The following RBFOX1 variants were observed in gnomAD, a reference collection of about 807,000 sequenced individuals.
RBFOX1 encodes RNA binding fox-1 homolog 1, also known as RNA binding protein fox-1 homolog 1.
Under a neutral mutation model 57.7 loss-of-function variants are expected in RBFOX1, and 8 were observed. The observed-to-expected ratio is 0.14, with a 90% CI of 0.08 to 0.25. The LOEUF is 0.25. Ranked by LOEUF, RBFOX1 falls within the 10% of genes least tolerant of loss-of-function variation. The pLI, the probability that RBFOX1 is intolerant of heterozygous loss-of-function variation, is 1.00. For missense variants in RBFOX1, 611 were observed against 548.5 expected (o/e 1.11, Z -1.14); for synonymous variants, 326 against 222.4 (o/e 1.47, Z -4.15).
At chr16:6,877,907 T>C (rs13339645) in intron 3 of RBFOX1, among the ~76,000 whole-genome samples, 6 of 152,172 alleles carry the variant, frequency 3.9e-5, no homozygotes, top group African/African-American at 1.2e-4. Flanking sequence ...ACTTAGGATC[T>C]TGCGAATGGT....
At position 6,343,460 on chromosome 16, in the gene RBFOX1, A is replaced by G. The variant is rs185730999; in HGVS notation, c.-64+26403A>G. Among the ~76,000 whole-genome samples the G allele has an allele frequency of 7.9e-5, 12 of 152,268 alleles. No homozygotes were observed. The East Asian group carries it at 2.3e-3, about 29-fold the overall frequency. On this transcript the variant is annotated intron_variant, in intron 2 of 15. Coordinates refer to ENST00000550418, the MANE Select transcript of RBFOX1 (RefSeq NM_018723.4). Reference sequence around the variant, plus strand: ...TCTACATTGAAGAACTGAAGTGAGGATTTGCGATAATTATCTGGATAACTC... The same window carrying G: ...TCTACATTGAAGAACTGAAGTGAGGGTTTGCGATAATTATCTGGATAACTC...
At chr16:6,104,109 C>T (rs1389896465) in intron 1 of RBFOX1, among the ~76,000 whole-genome samples, 1 of 151,310 alleles carries the variant, frequency 6.6e-6, no homozygotes, top group East Asian at 1.9e-4. Flanking sequence ...TAATTAGGGA[C>T]ATCATAGGTT....
At chr16:6,635,073 T>G (rs2098420903) in intron 2 of RBFOX1, among the ~76,000 whole-genome samples, 1 of 97,116 alleles carries the variant, frequency 1.0e-5, no homozygotes. Context: ...TGTTATATAT[T>G]TTAATTTATA....
chr16:7,354,223 G>A (rs953322152), intron 4 of RBFOX1, among the ~76,000 whole-genome samples: 17 of 152,146 alleles, frequency 1.1e-4, no homozygotes, highest in East Asian at 5.8e-4. Flanking sequence ...TGCCCACCTC[G>A]GCCTCCCACA....
intron 1 of RBFOX1, among the ~76,000 whole-genome samples, chr16:5,335,541 C>G (rs1276287145): frequency 6.6e-6 from 1 of 152,134 alleles, no homozygotes; most frequent in Non-Finnish European, 1.5e-5. Context: ...CAGAGTTTTT[C>G]CCGTCACTGG....
intron 3 of RBFOX1, among the ~76,000 whole-genome samples, chr16:5,670,998 C>T (rs568203687): frequency 1.3e-5 from 2 of 152,310 alleles, no homozygotes; most frequent in Non-Finnish European, 2.9e-5. Flanking sequence ...GACTCAGAGC[C>T]CCCCTCACTG....
chr16:7,421,686 G>C (rs923498958), intron 4 of RBFOX1, among the ~76,000 whole-genome samples: 6 of 152,236 alleles, frequency 3.9e-5, no homozygotes, highest in African/African-American at 4.8e-5. Flanking sequence ...CACTGGCCTG[G>C]AGATGGCCTT....
At chr16:6,578,598 C>CATGTGTGTGTGTGTGTGT (rs368816590) in intron 2 of RBFOX1, among the ~76,000 whole-genome samples, 1 of 110,666 alleles carries the variant, frequency 9.0e-6, no homozygotes, top group African/African-American at 2.9e-5. Context: ...GGTGTGTGTG[C>CATGTGTGTGTGTGTGTGT]GTGTGTGTGT....
chr16:6,386,410 G>C (rs1352693730), intron 2 of RBFOX1, among the ~76,000 whole-genome samples: 1 of 152,184 alleles, frequency 6.6e-6, no homozygotes, highest in Non-Finnish European at 1.5e-5. Flanking sequence ...ACTTCTTGCT[G>C]TGTATTGGCA....
intron 3 of RBFOX1, among the ~76,000 whole-genome samples, chr16:5,858,245 C>A (rs1288824637): frequency 2.0e-5 from 3 of 152,102 alleles, no homozygotes; most frequent in African/African-American, 7.2e-5. Context: ...ATGGGAAAGG[C>A]CCAGAGAGCC....
In RBFOX1 at chr16:7,405,787, A is replaced by G. The variant is rs114700303; in HGVS notation, c.28-112360A>G. ...TGCTAGGGTTTTTGCCTGGTAAGTA[A>G]AGGTAGTTCCTTCTAACACCTGTTT... On this transcript the variant is annotated intron_variant, in intron 4 of 15. Coordinates refer to ENST00000550418, the MANE Select transcript of RBFOX1 (RefSeq NM_018723.4). Among the ~76,000 whole-genome samples the G allele has an allele frequency of 6.0e-3, 910 of 152,178 alleles. 8 individuals carry two copies. The highest frequency in any genetic ancestry group is 0.021 in the African/African-American group (858 of 41,516).
chr16:6,295,111 T>TGTTTG lies in RBFOX1; in HGVS notation c.-126-21884_-126-21883insGTTTG, dbSNP rs1385195173. Among the ~76,000 whole-genome samples the TGTTTG allele has an allele frequency of 8.6e-4, 76 of 88,146 alleles. 1 individual carries two copies. The highest frequency in any genetic ancestry group is 1.2e-3 in the South Asian group (3 of 2,466). The allele number at this position is 88,146 out of a possible 152,430, so 57.8% of individuals were successfully genotyped here. On this transcript the variant is annotated intron_variant, in intron 1 of 15. Transcript: ENST00000550418. Reference sequence around the variant, plus strand: ...TCTTAAGCAGTGAGTTTTTTTTTTTTTTTTTTTTTTTTTTTGAGACGGGGT... The same window carrying TGTTTG: ...TCTTAAGCAGTGAGTTTTTTTTTTTTGTTTGTTTTTTTTTTTTTTTGAGACGGGGT...
chr16:6,077,276 G>T (rs1273434404), intron 1 of RBFOX1, among the ~76,000 whole-genome samples: 1 of 152,006 alleles, frequency 6.6e-6, no homozygotes, highest in African/African-American at 2.4e-5. Flanking sequence ...TGGCAGCTTG[G>T]CCAGGTAGGA....
chr16:6,151,187 ATC>A (rs2096794972), intron 1 of RBFOX1, among the ~76,000 whole-genome samples: 1 of 152,164 alleles, frequency 6.6e-6, no homozygotes, highest in South Asian at 2.1e-4. Context: ...GGAGGTGGAC[ATC>A]TATTTGGGGT....
At chr16:5,912,600 G>T (rs566192233) in intron 4 of RBFOX1, among the ~76,000 whole-genome samples, 2 of 152,142 alleles carry the variant, frequency 1.3e-5, no homozygotes, top group African/African-American at 4.8e-5. Flanking sequence ...AACTTGGTAG[G>T]CATCTGGCAA....
chr16:6,901,446 G>A (rs1027012282), intron 3 of RBFOX1, among the ~76,000 whole-genome samples: 2 of 152,116 alleles, frequency 1.3e-5, no homozygotes, highest in African/African-American at 4.8e-5. Context: ...AGGTCAAAGG[G>A]TGCCTGGCCT....
At chr16:6,890,223 T>C (rs1281135513) in intron 3 of RBFOX1, among the ~76,000 whole-genome samples, 2 of 152,108 alleles carry the variant, frequency 1.3e-5, no homozygotes, top group African/African-American at 4.8e-5. Flanking sequence ...AATATTGTTA[T>C]GAAAACCTAA....
At chr16:6,945,138 C>A (rs140383218) in intron 3 of RBFOX1, among the ~76,000 whole-genome samples, 3 of 152,200 alleles carry the variant, frequency 2.0e-5, no homozygotes, top group Non-Finnish European at 4.4e-5. Flanking sequence ...GGTAGGGGCA[C>A]AGTACATAGG....
At chr16:7,148,480 C>G (rs1358614197) in intron 4 of RBFOX1, among the ~76,000 whole-genome samples, 1 of 152,190 alleles carries the variant, frequency 6.6e-6, no homozygotes, top group African/African-American at 2.4e-5. Context: ...AACTTCGGAT[C>G]TTTTTCACAC....
Sources: allele counts gnomAD v4.1 joint callset (sites outside exome capture counted in the v4.1 genomes callset), GRCh38; gene constraint gnomAD v4.1.1; transcripts MANE v1.5; gene names NCBI Gene and HGNC (gene_info 2026-07-23, HGNC 2026-07-21).